RLIG1: variants seen among roughly 807,000 people sequenced by gnomAD.
The protein encoded by RLIG1 is RNA 5'-phosphate and 3'-OH ligase 1, also known as RNA ligase 1.
At chr12:88,045,593 G>A in the RLIG1 span, 2 of 1,610,760 alleles carry the variant, frequency 1.2e-6, no homozygotes, top group Non-Finnish European at 1.7e-6. Context: ...TTGGGTACCA[G>A]TAGAGAAAAA....
the RLIG1 span, chr12:88,046,925 G>C: frequency 1.9e-6 from 3 of 1,612,496 alleles, no homozygotes; most frequent in Admixed American, 5.0e-5. Context: ...ATTGCAAAGA[G>C]GGTAAAATTG....
At chr12:88,047,406 T>G in the RLIG1 span, among the ~76,000 whole-genome samples, 15 of 152,128 alleles carry the variant, frequency 9.9e-5, no homozygotes, top group African/African-American at 3.6e-4. Flanking sequence ...CTGTTTGATT[T>G]CTCACAGGTA....
chr12:88,049,953 T>G, the RLIG1 span: 1 of 165,120 alleles, frequency 6.1e-6, no homozygotes, highest in South Asian at 1.8e-4. Context: ...ACTAGCTAAT[T>G]CTCATATCCA....
At chr12:88,045,647 T>A in the RLIG1 span, 1 of 1,613,128 alleles carries the variant, frequency 6.2e-7, no homozygotes, top group East Asian at 2.2e-5. Context: ...TAATTATGAA[T>A]TTGAAATTGC....
chr12:88,046,914 G>A, the RLIG1 span: 5 of 1,612,942 alleles, frequency 3.1e-6, no homozygotes, highest in South Asian at 5.5e-5. Context: ...CTGGTTTGAA[G>A]ATTGCAAAGA....
chr12:88,045,458 A>T, the RLIG1 span: 1 of 682,768 alleles, frequency 1.5e-6, no homozygotes, highest in Non-Finnish European at 2.5e-6. Flanking sequence ...ATTTTAAAGT[A>T]ATATCTCTTT....
chr12:88,035,546 C>G, the RLIG1 span: 2 of 1,218,010 alleles, frequency 1.6e-6, no homozygotes, highest in East Asian at 2.6e-5. Context: ...GCGGAGTGTG[C>G]GTGGCCTGAG....
chr12:88,049,097 T>C, the RLIG1 span: 3 of 706,892 alleles, frequency 4.2e-6, no homozygotes, highest in Non-Finnish European at 7.1e-6. Context: ...AAGGAAATAC[T>C]ACAGTTCGGA....
At chr12:88,038,121 C>T in the RLIG1 span, among the ~76,000 whole-genome samples, 1 of 152,084 alleles carries the variant, frequency 6.6e-6, no homozygotes, top group African/African-American at 2.4e-5. Context: ...AAATCAACTT[C>T]AAATCTTGAG....
the RLIG1 span, chr12:88,041,977 T>TATTACTACTAAAGA: frequency 6.6e-6 from 1 of 152,214 alleles, no homozygotes; most frequent in Non-Finnish European, 1.5e-5. Flanking sequence ...AATCCACATT[T>TATTACTACTAAAGA]ATTACTACTA....
At chr12:88,039,114 T>C in the RLIG1 span, among the ~76,000 whole-genome samples, 5 of 152,176 alleles carry the variant, frequency 3.3e-5, no homozygotes, top group African/African-American at 9.6e-5. Flanking sequence ...GATTCATTTA[T>C]GCCTTTGTAT....
At chr12:88,043,769 A>G in the RLIG1 span, 2 of 1,211,694 alleles carry the variant, frequency 1.7e-6, no homozygotes, top group Non-Finnish European at 2.4e-6. Context: ...AAATGATCAA[A>G]ATATCCATTC....
At chr12:88,045,774 C>T in the RLIG1 span, 3 of 1,610,956 alleles carry the variant, frequency 1.9e-6, no homozygotes, top group Non-Finnish European at 2.5e-6. Context: ...AATGGAAACC[C>T]ATATGGTGAG....
the RLIG1 span, chr12:88,035,606 C>T: frequency 1.9e-6 from 3 of 1,560,356 alleles, no homozygotes; most frequent in Admixed American, 3.8e-5. Context: ...CCGGGCGCCG[C>T]TCGAAAGCAC....
the RLIG1 span, chr12:88,045,592 A>G: frequency 6.2e-7 from 1 of 1,610,724 alleles, no homozygotes. Context: ...GTTGGGTACC[A>G]GTAGAGAAAA....
chr12:88,037,999 G>T, the RLIG1 span, among the ~76,000 whole-genome samples: 1 of 151,882 alleles, frequency 6.6e-6, no homozygotes, highest in African/African-American at 2.4e-5. Context: ...AGCTGAAAGG[G>T]ACAAAAAGTG....
the RLIG1 span, chr12:88,049,673 A>C: frequency 6.3e-5 from 18 of 284,568 alleles, no homozygotes; most frequent in Non-Finnish European, 8.4e-5. Flanking sequence ...TTATAATGGG[A>C]CTTAATCTTT....
the RLIG1 span, chr12:88,048,212 A>G: frequency 6.6e-7 from 1 of 1,512,726 alleles, no homozygotes; most frequent in Non-Finnish European, 8.8e-7. Flanking sequence ...TGCTAAAGCT[A>G]ATACCTTTTT....
At chr12:88,035,972 C>T in the RLIG1 span, 2 of 1,521,070 alleles carry the variant, frequency 1.3e-6, no homozygotes, top group African/African-American at 1.4e-5. Flanking sequence ...TTTTCCTTAT[C>T]AGGAGATTCA....
Sources: gnomAD v4.1 joint callset for allele counts (sites outside exome capture counted in the v4.1 genomes callset) on GRCh38, gnomAD v4.1.1 for gene constraint, MANE v1.5 for transcripts, NCBI Gene and HGNC (gene_info 2026-07-23, HGNC 2026-07-21) for gene names.